The following METTL13 variants were observed in gnomAD, a reference collection of about 807,000 sequenced individuals.
METTL13 encodes the protein methyltransferase 13, eEF1A N-terminus and K55.
A neutral mutation model predicts 67.4 loss-of-function variants in METTL13; 52 were observed. The observed-to-expected ratio is 0.77, with a 90% CI of 0.62 to 0.97. The LOEUF (loss-of-function observed/expected upper bound fraction) is 0.97, where lower values mean the gene tolerates loss of function less well. Ranked by LOEUF, METTL13 falls within the 50% of genes least tolerant of loss-of-function variation. METTL13 has a pLI of 0.00. For missense variants in METTL13, 825 were observed against 889.6 expected (o/e 0.93, Z 0.92); for synonymous variants, 354 against 353.6 (o/e 1.00, Z -0.01).
intron 1 of METTL13, among the ~76,000 whole-genome samples, chr1:171,783,433 A>G (rs1303610967): frequency 6.6e-6 from 1 of 152,202 alleles, no homozygotes; most frequent in African/African-American, 2.4e-5. Flanking sequence ...CTGACTTCCT[A>G]TTAATTCCTG....
intron 4 of METTL13, among the ~76,000 whole-genome samples, chr1:171,789,254 A>G (rs924659310): frequency 6.6e-6 from 1 of 152,098 alleles, no homozygotes; most frequent in African/African-American, 2.4e-5. Flanking sequence ...CCCCGACTCC[A>G]CTCATCAGCA....
In METTL13 at chr1:171,783,746, G is replaced by A. The variant is rs1656903371; in HGVS notation, c.160G>A (p.Val54Met). 3 of 1,603,356 alleles carry A rather than the reference G, an allele frequency of 1.9e-6. No individual in the cohort carries two copies. Among genetic ancestry groups the A allele is most frequent in the Non-Finnish European group, 2.6e-6 (3 of 1,173,034 alleles). ...CTGTGAATTTTTTCTCCAGGTGCTG[G>A]TGATTGGGTGTGGCAACTCAGAACT... is the stretch of plus-strand genomic sequence containing the variant. ...KYIKPREKVL[V>M]IGCGNSELSE... The change falls in exon 2 of 8, where the codon GTG becomes ATG. Residue 54 changes from valine (V) to methionine (M), a missense_variant. Transcript: ENST00000361735.
chr1:171,789,870 A>G (rs2124902654), intron 4 of METTL13, among the ~76,000 whole-genome samples: 1 of 151,990 alleles, frequency 6.6e-6, no homozygotes, highest in African/African-American at 2.4e-5. Flanking sequence ...ATCCTAATTT[A>G]TAGTGTTTAT....
chr1:171,788,040 A>C, intron 4 of METTL13, 110 bp downstream of exon 4: 1 of 999,486 alleles, frequency 1.0e-6, no homozygotes, highest in Non-Finnish European at 1.5e-6. Context: ...TAGGTTCTTA[A>C]CCATCTGGAC....
At chr1:171,782,210 C>A (rs554472983) in intron 1 of METTL13, 90 bp downstream of exon 1, 7 of 1,088,152 alleles carry the variant, frequency 6.4e-6, no homozygotes, top group Middle Eastern at 2.6e-4. Flanking sequence ...CAGTGACAGG[C>A]GGGAGGACCC....
chr1:171,794,825 CTTT>C (rs796653445), intron 7 of METTL13, among the ~76,000 whole-genome samples: 1 of 144,608 alleles, frequency 6.9e-6, no homozygotes. Flanking sequence ...GGAATGTTCC[CTTT>C]TTTTTTTTTG....
At chr1:171,784,565 G>T in intron 2 of METTL13, 66 bp downstream of exon 2, 1 of 1,421,414 alleles carries the variant, frequency 7.0e-7, no homozygotes, top group East Asian at 2.6e-5. Flanking sequence ...GCTTGGGCTG[G>T]GGCTGGGGCT....
In METTL13 at chr1:171,794,564, G is replaced by A. The variant is rs368548506; in HGVS notation, c.1825+37G>A. The stretch of plus-strand genomic sequence containing the variant: ...AAAAGGTGGGAGAGGGAGGAGAGAA[G>A]GGACCATTAACAAAAATTATCTTTT... On this transcript the variant is annotated intron_variant, in intron 7 of 7. Transcript: ENST00000361735. The A allele has an allele frequency of 3.7e-6, 6 of 1,610,004 alleles. No homozygotes were observed. In the African/African-American group the frequency reaches 6.7e-5, roughly 18 times the overall value.
At chr1:171,794,127 AGGGGAC>A (rs1351490044) in intron 6 of METTL13, among the ~76,000 whole-genome samples, 1 of 152,192 alleles carries the variant, frequency 6.6e-6, no homozygotes, top group Non-Finnish European at 1.5e-5. Flanking sequence ...ATTCATGCAA[AGGGGAC>A]CCCAGTAATG....
In METTL13 at chr1:171,792,063, C is replaced by T. The variant is rs186724305; in HGVS notation, c.1521C>T (p.Leu507=). Residue 507 remains leucine, a synonymous_variant, in exon 6 of 8, where the codon CTC becomes CTT. Transcript: ENST00000361735. ...TGGTAGGCCTGGGCGGGGGCAGCCT[C>T]CCCCTCTTTGTCCACGATCATTTTC... ...LLVVGLGGGS[L]PLFVHDHFPK... The T allele has an allele frequency of 3.1e-6, 5 of 1,613,260 alleles. No homozygotes were observed. Among genetic ancestry groups the T allele is most frequent in the East Asian group, 2.2e-5 (1 of 44,886 alleles).
Position 171,781,679 on chromosome 1 carries a change from C to T in METTL13, c.-289C>T, listed in dbSNP as rs112807062. On this transcript the variant is annotated 5_prime_UTR_variant, in exon 1 of 8. Transcript: ENST00000361735. ...CTTCGCACCCGGATATGGTTATGGG[C>T]TCGGAAATCTAGTTCGGGAAAAGTG... The T allele has an allele frequency of 1.1e-5, 10 of 924,650 alleles. No individual in the cohort carries two copies. In the African/African-American group the frequency reaches 1.5e-4, roughly 14 times the overall value. The allele number at this position is 924,650 out of a possible 1,614,324, so 57.3% of individuals were successfully genotyped here.
At chr1:171,791,612 T>C (rs147565435) in intron 5 of METTL13, among the ~76,000 whole-genome samples, 97 of 152,224 alleles carry the variant, frequency 6.4e-4, no homozygotes, top group African/African-American at 2.2e-3. Context: ...ACCACAGGTG[T>C]GTGTCACCAT....
rs564899352 is a variant in METTL13, at chr1:171,781,782, C to G, written c.-186C>G. 7.1e-7 allele frequency: 1 copy of G among 1,411,716 alleles called. No individual in the cohort carries two copies. Among genetic ancestry groups the G allele is most frequent in the Non-Finnish European group, 9.2e-7 (1 of 1,082,764 alleles). 87.4% of individuals were successfully genotyped at this position (1,411,716 alleles called of 1,614,324 possible). ...CGTGTGTGAGATTCAGTGGTCCATG[C>G]GTGCGTTTGTCGTGTAAGGGTCATT... On this transcript the variant is annotated 5_prime_UTR_variant, in exon 1 of 8. Coordinates refer to ENST00000361735, the MANE Select transcript of METTL13 (RefSeq NM_015935.5).
Position 171,782,039 on chromosome 1 carries a change from A to C in METTL13, c.72A>C (p.Arg24=). The part of the protein sequence containing the change: ...VDYWEKFFQQ[R]GKKAFEWYGT... ...ATTGGGAGAAGTTCTTCCAGCAGCG[A>C]GGAAAGAAAGCTTTCGAGTGGTATG... is the stretch of plus-strand genomic sequence containing the variant. The change falls in exon 1 of 8, where the codon CGA becomes CGC. Residue 24 remains arginine, a synonymous_variant. Coordinates refer to ENST00000361735, the MANE Select transcript of METTL13 (RefSeq NM_015935.5). 1 of 1,614,126 alleles carries C rather than the reference A, an allele frequency of 6.2e-7. No homozygotes were observed. The highest frequency in any genetic ancestry group is 1.1e-5 in the South Asian group (1 of 91,070).
intron 4 of METTL13, among the ~76,000 whole-genome samples, chr1:171,789,816 A>G (rs535761512): frequency 8.2e-6 from 1 of 122,434 alleles, no homozygotes; most frequent in South Asian, 2.6e-4. Context: ...TATATGTTAA[A>G]TGTTTAATGA....
chr1:171,796,433 A>T, intron 7 of METTL13, 49 bp from the exon 8 acceptor site: 1 of 1,597,026 alleles, frequency 6.3e-7, no homozygotes, highest in South Asian at 1.1e-5. Flanking sequence ...CTTGTCTTTC[A>T]TATGTCTCCT....
intron 1 of METTL13, 92 bp downstream of exon 1, chr1:171,782,212 G>A (rs1005975919): frequency 1.8e-6 from 2 of 1,090,218 alleles, no homozygotes; most frequent in African/African-American, 1.6e-5. Flanking sequence ...GTGACAGGCG[G>A]GAGGACCCTA....
chr1:171,794,935 T>C (rs1320465251), intron 7 of METTL13, among the ~76,000 whole-genome samples: 1 of 152,016 alleles, frequency 6.6e-6, no homozygotes, highest in Non-Finnish European at 1.5e-5. Context: ...TCCTCCCACC[T>C]CAGTCACCTG....
At chr1:171,794,633 A>G in intron 7 of METTL13, 106 bp downstream of exon 7, 1 of 1,483,900 alleles carries the variant, frequency 6.7e-7, no homozygotes, top group Non-Finnish European at 9.1e-7. Flanking sequence ...AATTTTTCCA[A>G]ATTTAATACA....
Sources: allele counts gnomAD v4.1 joint callset (sites outside exome capture counted in the v4.1 genomes callset), GRCh38; gene constraint gnomAD v4.1.1; transcripts MANE v1.5; gene names NCBI Gene and HGNC (gene_info 2026-07-23, HGNC 2026-07-21).